MALRD1: variants seen among roughly 807,000 people sequenced by gnomAD.
MALRD1 encodes MAM and LDL receptor class A domain containing 1, also known as MAM and LDL-receptor class A domain-containing protein 1.
A neutral mutation model predicts 242.1 loss-of-function variants in MALRD1; 247 were observed. The ratio of observed to expected loss-of-function variants is 1.02; its 90% confidence interval spans 0.92 to 1.13. The LOEUF (loss-of-function observed/expected upper bound fraction) is 1.13. Among genes scored for constraint, MALRD1 ranks in the 50% most tolerant of loss-of-function variants. The pLI, the probability that MALRD1 is intolerant of heterozygous loss-of-function variation, is 0.00. For synonymous variants in MALRD1, 995 were observed against 866.6 expected, an observed-to-expected ratio of 1.15 and a Z score of -2.60; for missense variants, 2,989 against 2,533.1, an observed-to-expected ratio of 1.18 and a Z score of -3.86.
chr10:19,278,184 A>G (rs1564523618), intron 19 of MALRD1, among the ~76,000 whole-genome samples: 1 of 151,732 alleles, frequency 6.6e-6, no homozygotes, highest in Admixed American at 6.6e-5. Flanking sequence ...AAATTCTCAC[A>G]GTATTTAAAA....
chr10:19,050,074 A>G (rs1834439453), intron 1 of MALRD1, among the ~76,000 whole-genome samples: 4 of 147,154 alleles, frequency 2.7e-5, no homozygotes, highest in African/African-American at 1.0e-4. Flanking sequence ...TAACTCAAAC[A>G]TATGTCTTCT....
chr10:19,438,297 C>T (rs1409801582), intron 28 of MALRD1, among the ~76,000 whole-genome samples: 1 of 152,044 alleles, frequency 6.6e-6, no homozygotes, highest in Admixed American at 6.6e-5. Flanking sequence ...CCTCAAAGTA[C>T]ACACATGTTG....
intron 10 of MALRD1, among the ~76,000 whole-genome samples, chr10:19,140,670 A>C (rs1272866309): frequency 6.6e-6 from 1 of 152,134 alleles, no homozygotes; most frequent in Non-Finnish European, 1.5e-5. Flanking sequence ...GGGATTATGC[A>C]AAGTGAAATA....
At chr10:19,164,481 A>G (rs1180210401) in intron 12 of MALRD1, among the ~76,000 whole-genome samples, 1 of 152,178 alleles carries the variant, frequency 6.6e-6, no homozygotes, top group African/African-American at 2.4e-5. Flanking sequence ...TCTAAAGAGA[A>G]GTATTCCACT....
intron 38 of MALRD1, among the ~76,000 whole-genome samples, chr10:19,722,963 G>A (rs377352466): frequency 1.3e-5 from 2 of 152,122 alleles, no homozygotes; most frequent in Non-Finnish European, 2.9e-5. Flanking sequence ...TGTTTAGTAC[G>A]TAGTATGTGT....
intron 19 of MALRD1, among the ~76,000 whole-genome samples, chr10:19,274,199 A>T (rs1454407618): frequency 6.6e-6 from 1 of 152,206 alleles, no homozygotes; most frequent in Non-Finnish European, 1.5e-5. Flanking sequence ...CATTATTCAC[A>T]ATAGCTAAGA....
At chr10:19,190,174 A>G (rs1317443992) in intron 14 of MALRD1, among the ~76,000 whole-genome samples, 1 of 152,034 alleles carries the variant, frequency 6.6e-6, no homozygotes, top group Non-Finnish European at 1.5e-5. Flanking sequence ...TGAACCATCC[A>G]AAAAGGAAAT....
At chr10:19,198,053 C>T (rs780756100) in intron 14 of MALRD1, among the ~76,000 whole-genome samples, 4 of 152,040 alleles carry the variant, frequency 2.6e-5, no homozygotes, top group East Asian at 1.9e-4. Flanking sequence ...TTTTTTGAGA[C>T]GGAGTCTCTG....
intron 33 of MALRD1, among the ~76,000 whole-genome samples, chr10:19,583,825 T>G (rs1282225430): frequency 6.6e-6 from 1 of 152,110 alleles, no homozygotes; most frequent in East Asian, 1.9e-4. Flanking sequence ...GTACCTCTGG[T>G]AGAATTTGGC....
intron 28 of MALRD1, among the ~76,000 whole-genome samples, chr10:19,418,492 T>C (rs1358104348): frequency 6.6e-6 from 1 of 152,166 alleles, no homozygotes; most frequent in Non-Finnish European, 1.5e-5. Flanking sequence ...GCCTGACATG[T>C]AGTAACATTT....
intron 28 of MALRD1, among the ~76,000 whole-genome samples, chr10:19,407,354 C>A (rs372519323): frequency 6.6e-6 from 1 of 152,110 alleles, no homozygotes; most frequent in East Asian, 1.9e-4. Flanking sequence ...TGGTGGTGTG[C>A]ACCTGTAGTC....
At chr10:19,472,662 C>A (rs1435051682) in intron 29 of MALRD1, among the ~76,000 whole-genome samples, 2 of 151,460 alleles carry the variant, frequency 1.3e-5, no homozygotes, top group Admixed American at 6.6e-5. Context: ...TTATCTATTT[C>A]TTTTAAGTTA....
chr10:19,684,577 G>A (rs1017559234), intron 36 of MALRD1, among the ~76,000 whole-genome samples: 11 of 152,068 alleles, frequency 7.2e-5, no homozygotes, highest in Admixed American at 2.0e-4. Flanking sequence ...TCAACATGGC[G>A]AAACCCCGTC....
chr10:19,147,689 C>T (rs1473293502), intron 11 of MALRD1, among the ~76,000 whole-genome samples: 1 of 152,080 alleles, frequency 6.6e-6, no homozygotes, highest in African/African-American at 2.4e-5. Flanking sequence ...AGTAGATAAG[C>T]AAGGAATTGC....
chr10:19,485,970 T>C (rs896427364), intron 29 of MALRD1, among the ~76,000 whole-genome samples: 17 of 151,944 alleles, frequency 1.1e-4, no homozygotes, highest in African/African-American at 4.1e-4. Flanking sequence ...ACAAAATATT[T>C]ATGATATGAT....
rs527750562 is a variant in MALRD1 at position 19,562,235 on chromosome 10, C to T, written c.5479-5267C>T. 5.9e-5 allele frequency among the ~76,000 whole-genome samples: 9 copies of T among 152,102 alleles called. No homozygotes were observed. In the South Asian group the frequency reaches 1.9e-3, roughly 32 times the overall value. On this transcript the variant is annotated intron_variant, in intron 32 of 39. Coordinates refer to ENST00000454679, the MANE Select transcript of MALRD1 (RefSeq NM_001142308.3). Reference sequence around the variant, plus strand: ...GCTTGAACCCAGAAGGCGGAGTTTGCAGTGAGCCAAGATCGCGCCACTGTA... The same window carrying T: ...GCTTGAACCCAGAAGGCGGAGTTTGTAGTGAGCCAAGATCGCGCCACTGTA...
chr10:19,725,229 G>A (rs376612156), intron 38 of MALRD1, among the ~76,000 whole-genome samples: 36 of 152,226 alleles, frequency 2.4e-4, no homozygotes, highest in South Asian at 8.3e-4. Context: ...CCCACAAGCC[G>A]TGGGAGGGAC....
chr10:19,060,291 C>T (rs1185774171), intron 1 of MALRD1, among the ~76,000 whole-genome samples: 4 of 152,132 alleles, frequency 2.6e-5, no homozygotes, highest in Non-Finnish European at 4.4e-5. Context: ...TCCTCTGTGC[C>T]GGTGTTTCTT....
intron 29 of MALRD1, among the ~76,000 whole-genome samples, chr10:19,471,030 A>T (rs1182817905): frequency 6.6e-6 from 1 of 151,848 alleles, no homozygotes; most frequent in Non-Finnish European, 1.5e-5. Context: ...AATGTCAAGG[A>T]AATTTTCCCC....
Sources: gnomAD v4.1 joint callset for allele counts (sites outside exome capture counted in the v4.1 genomes callset) on GRCh38, gnomAD v4.1.1 for gene constraint, MANE v1.5 for transcripts, NCBI Gene and HGNC (gene_info 2026-07-23, HGNC 2026-07-21) for gene names.